Variants in MDGA2 observed in about 807,000 individuals in gnomAD.
The protein encoded by MDGA2 is MAM domain containing glycosylphosphatidylinositol anchor 2, also known as MAM domain-containing glycosylphosphatidylinositol anchor protein 2.
Under a neutral mutation model 117.8 loss-of-function variants are expected in MDGA2, and 40 were observed. The ratio of observed to expected loss-of-function variants is 0.34; its 90% CI spans 0.26 to 0.44. The LOEUF is 0.44. MDGA2 is among the 20% of genes least tolerant of loss of function. The probability of loss-of-function intolerance (pLI) is 1.00; values close to 1 mark genes in which losing one functional copy is unlikely to be tolerated. For missense variants in MDGA2, 1,123 were observed against 1,250.6 expected (o/e 0.90, Z 1.54); for synonymous variants, 452 against 439.0 (o/e 1.03, Z -0.37).
intron 9 of MDGA2, among the ~76,000 whole-genome samples, chr14:46,950,205 T>A: frequency 6.6e-6 from 1 of 152,084 alleles, no homozygotes; most frequent in Non-Finnish European, 1.5e-5. Context: ...TACTTACATT[T>A]TTATTCCTAA....
At chr14:47,085,872 C>A (rs1240151950) in intron 6 of MDGA2, among the ~76,000 whole-genome samples, 1 of 151,938 alleles carries the variant, frequency 6.6e-6, no homozygotes, top group Non-Finnish European at 1.5e-5. Context: ...AATCTGTAAG[C>A]CCAGATGGCT....
intron 1 of MDGA2, among the ~76,000 whole-genome samples, chr14:47,506,049 G>A (rs1360549892): frequency 6.6e-6 from 1 of 152,106 alleles, no homozygotes; most frequent in Non-Finnish European, 1.5e-5. Flanking sequence ...CTAAAATACA[G>A]AGTTACTAGT....
chr14:46,895,854 T>G (rs1437408892), intron 10 of MDGA2, among the ~76,000 whole-genome samples: 1 of 152,236 alleles, frequency 6.6e-6, no homozygotes. Context: ...CAATGCCGCC[T>G]GTCCCTTCCA....
At chr14:47,032,418 C>G (rs932282586) in intron 8 of MDGA2, among the ~76,000 whole-genome samples, 1 of 151,198 alleles carries the variant, frequency 6.6e-6, no homozygotes, top group Non-Finnish European at 1.5e-5. Flanking sequence ...ATGACCCGGT[C>G]TCTACACAAA....
intron 3 of MDGA2, among the ~76,000 whole-genome samples, chr14:47,175,887 A>T (rs1283275372): frequency 1.3e-5 from 2 of 152,030 alleles, no homozygotes; most frequent in Admixed American, 1.3e-4. Context: ...ACATGATTGT[A>T]TATCTAGAAA....
At chr14:47,542,070 G>T (rs984348368) in intron 1 of MDGA2, among the ~76,000 whole-genome samples, 6 of 152,310 alleles carry the variant, frequency 3.9e-5, no homozygotes, top group Admixed American at 3.9e-4. Flanking sequence ...CACAGAGAGA[G>T]AAAGAGTTAG....
intron 9 of MDGA2, among the ~76,000 whole-genome samples, chr14:46,944,271 G>T (rs1276805701): frequency 6.6e-6 from 1 of 151,890 alleles, no homozygotes; most frequent in East Asian, 1.9e-4. Flanking sequence ...ATTTTCAAAA[G>T]ATATTTAAAG....
chr14:47,187,399 T>C (rs1387709945), intron 3 of MDGA2, among the ~76,000 whole-genome samples: 1 of 152,046 alleles, frequency 6.6e-6, no homozygotes, highest in Non-Finnish European at 1.5e-5. Flanking sequence ...GTGCAAGATA[T>C]AATTTCTTCA....
At chr14:47,581,532 C>T (rs566506087) in intron 1 of MDGA2, among the ~76,000 whole-genome samples, 10 of 152,100 alleles carry the variant, frequency 6.6e-5, no homozygotes, top group Admixed American at 2.6e-4. Context: ...GTATGAAATA[C>T]GTACAGTGCA....
At chr14:47,211,680 A>C (rs746924647) in intron 3 of MDGA2, among the ~76,000 whole-genome samples, 2 of 152,136 alleles carry the variant, frequency 1.3e-5, no homozygotes, top group Non-Finnish European at 2.9e-5. Flanking sequence ...TTACACAAAC[A>C]CTCTTGAAAA....
intron 3 of MDGA2, among the ~76,000 whole-genome samples, chr14:47,160,254 GT>G (rs1883577326): frequency 6.6e-6 from 1 of 152,136 alleles, no homozygotes; most frequent in Admixed American, 6.5e-5. Flanking sequence ...TGACATAGAA[GT>G]TTTTAGCTTC....
At chr14:47,105,436 T>C (rs1408845506) in intron 5 of MDGA2, among the ~76,000 whole-genome samples, 4 of 151,574 alleles carry the variant, frequency 2.6e-5, no homozygotes, top group Non-Finnish European at 5.9e-5. Context: ...ATGGGTAAGC[T>C]TCCACCTTCC....
At chr14:47,197,456 G>A (rs950828887) in intron 3 of MDGA2, among the ~76,000 whole-genome samples, 6 of 151,944 alleles carry the variant, frequency 3.9e-5, no homozygotes, top group Admixed American at 3.3e-4. Flanking sequence ...ACCCTGATCT[G>A]GATTTCCCAG....
At chr14:46,974,962 C>A (rs1886401094) in intron 8 of MDGA2, among the ~76,000 whole-genome samples, 7 of 151,532 alleles carry the variant, frequency 4.6e-5, no homozygotes, top group Admixed American at 4.6e-4. Flanking sequence ...TTATGATAAG[C>A]AATTAGTATG....
At chr14:47,425,988 A>T (rs1892680979) in intron 1 of MDGA2, among the ~76,000 whole-genome samples, 1 of 151,974 alleles carries the variant, frequency 6.6e-6, no homozygotes, top group African/African-American at 2.4e-5. Flanking sequence ...TCCCATATCA[A>T]ACTTAGTTTC....
chr14:47,492,399 TAATC>T (rs999635063), intron 1 of MDGA2, among the ~76,000 whole-genome samples: 144 of 152,232 alleles, frequency 9.5e-4, no homozygotes, highest in African/African-American at 3.3e-3. Context: ...ATGCAAATAT[TAATC>T]AGACAGATAT....
In MDGA2 at chr14:47,674,607, C is replaced by A. The variant is rs972988370; in HGVS notation, c.190G>T (p.Val64Phe). 1.3e-6 allele frequency: 2 copies of A among 1,550,066 alleles called. No individual in the cohort carries two copies. The highest frequency in any genetic ancestry group is 2.7e-5 in the African/African-American group (2 of 72,964). The change falls in exon 1 of 17, where the codon GTT becomes TTT. Residue 64 changes from valine (V) to phenylalanine (F), a missense_variant. Val to Phe is a conservative substitution (Grantham distance 50). Transcript: ENST00000399232. ...AAATCCATCTTCACGTGAACATGAA[C>A]ATATCCAGCCCAGGGGGTACGCAAC... ...VPLRTPWAGYVHVHVKMDLLY... is the reference protein window; with the variant it reads ...VPLRTPWAGYFHVHVKMDLLY...
chr14:47,537,254 A>C (rs929229859), intron 1 of MDGA2, among the ~76,000 whole-genome samples: 2 of 142,648 alleles, frequency 1.4e-5, no homozygotes, highest in African/African-American at 5.3e-5. Flanking sequence ...GGAATTGAAC[A>C]ATGAGAACAC....
Position 46,874,213 on chromosome 14 carries a change from TTTAATTAAATTAATA to T in MDGA2, c.2438-28_2438-14del, listed in dbSNP as rs771060222. On this transcript the variant is annotated splice_polypyrimidine_tract_variant and intron_variant, in intron 12 of 16. Coordinates refer to ENST00000399232, the MANE Select transcript of MDGA2 (RefSeq NM_001113498.3). ...CAATGAAATTCTCCTGTTGGTAAATTTTAATTAAATTAATATTAATTAAATTAATACACATACTGC... is the reference window on the plus strand; with the variant it reads ...CAATGAAATTCTCCTGTTGGTAAATTTTAATTAAATTAATACACATACTGC... 15 of 1,306,432 alleles carry T rather than the reference TTTAATTAAATTAATA, an allele frequency of 1.1e-5. No homozygotes were observed. The highest frequency in any genetic ancestry group is 2.8e-4 in the Middle Eastern group (1 of 3,590). The allele number at this position is 1,306,432 out of a possible 1,614,324, so 80.9% of individuals were successfully genotyped here. A position where few individuals can be genotyped will look rare whatever the true frequency, so the allele number is the denominator to read the frequency against.
Sources: allele counts gnomAD v4.1 joint callset (sites outside exome capture counted in the v4.1 genomes callset), GRCh38; gene constraint gnomAD v4.1.1; transcripts MANE v1.5; gene names NCBI Gene and HGNC (gene_info 2026-07-23, HGNC 2026-07-21).